The following HCAR3 variants were observed in gnomAD, a reference collection of about 807,000 sequenced individuals.
The protein encoded by HCAR3 is hydroxycarboxylic acid receptor 3.
For synonymous variants in HCAR3, 167 were observed against 201.0 expected (o/e 0.83, Z 1.43); for missense variants, 404 against 501.2 (o/e 0.81, Z 1.85).
rs746912605 is a variant in HCAR3, at chr12:122,715,653, G to A, written c.1085C>T (p.Ser362Leu). Residue 362 changes from serine (S) to leucine (L), a missense_variant, in exon 1 of 1, where the codon TCA (serine) becomes TTA (leucine). Transcript: ENST00000528880. ...PWSPSYLGPTSNNHSKKGHCH... is the reference protein window; with the variant it reads ...PWSPSYLGPTLNNHSKKGHCH... ...ATGTCCCTTCTTGGAATGGTTATTT[G>A]AGGTTGGGCCCAGATAAGAGGGGCT... The A allele has an allele frequency of 6.2e-7, 1 of 1,613,960 alleles. No individual in the cohort carries two copies. The highest frequency in any genetic ancestry group is 8.5e-7 in the Non-Finnish European group (1 of 1,180,012).
rs1877499905 is a variant in HCAR3 at position 122,715,201 on chromosome 12, T to C, written c.*373A>G. 2.3e-5 allele frequency: 4 copies of C among 173,732 alleles called. No homozygotes were observed. The South Asian group carries it at 4.9e-4, about 21-fold the overall frequency. 10.8% of individuals were successfully genotyped at this position (173,732 alleles called of 1,614,324 possible). A position where few individuals can be genotyped will look rare whatever the true frequency, so the allele number is the denominator to read the frequency against. On this transcript the variant is annotated 3_prime_UTR_variant, in exon 1 of 1. Transcript: ENST00000528880. Reference sequence around the variant, plus strand: ...CTTGTTTAATGATGCCTGGGCTTCCTCCAGGAACAACACAATTCCCTCCAA... The same window carrying C: ...CTTGTTTAATGATGCCTGGGCTTCCCCCAGGAACAACACAATTCCCTCCAA...
Position 122,715,495 on chromosome 12 carries a change from A to C in HCAR3, c.*79T>G. The stretch of plus-strand genomic sequence containing the variant: ...GGTCACACCTTGCAACCAGTCTCCC[A>C]CTCATCTGCCACAGTTTCCCTAAAT... On this transcript the variant is annotated 3_prime_UTR_variant, in exon 1 of 1. Coordinates refer to ENST00000528880, the MANE Select transcript of HCAR3 (RefSeq NM_006018.3). 6.9e-7 allele frequency: 1 copy of C among 1,458,820 alleles called. No individual in the cohort carries two copies. The highest frequency in any genetic ancestry group is 9.3e-7 in the Non-Finnish European group (1 of 1,077,254). 90.4% of individuals were successfully genotyped at this position (1,458,820 alleles called of 1,614,324 possible).
Position 122,715,710 on chromosome 12 carries a change from T to C in HCAR3, c.1028A>G (p.Glu343Gly), listed in dbSNP as rs1250696001. 5.0e-6 allele frequency: 8 copies of C among 1,610,212 alleles called. No individual in the cohort carries two copies. The African/African-American group carries it at 9.4e-5, about 19-fold the overall frequency. ...CTCACCGGAGTTGGCGATTAACGCC[T>C]CTGGAGCGCCTCTGGTTTTGTTGGG... ...GDPNKTRGAP[E>G]ALIANSGEPW... is the part of the protein sequence containing the mutation. The change falls in exon 1 of 1, where the codon GAG becomes GGG. Residue 343 changes from glutamate (E) to glycine (G), a missense_variant. Transcript: ENST00000528880.
rs577458802 is a variant in HCAR3, at chr12:122,714,761, C to T, written c.*813G>A. On this transcript the variant is annotated 3_prime_UTR_variant, in exon 1 of 1. Transcript: ENST00000528880. The stretch of plus-strand genomic sequence containing the variant: ...CAGATATAGCAACGCCAGACTGTCT[C>T]CTATCAAAATTTATTGAAATGGTAG... 10 of 151,976 alleles carry T rather than the reference C, an allele frequency of 6.6e-5. No individual in the cohort carries two copies. The East Asian group carries it at 1.9e-3, about 30-fold the overall frequency. 9.4% of individuals were successfully genotyped at this position (151,976 alleles called of 1,614,324 possible).
In HCAR3 at chr12:122,716,420, C is replaced by CATG; in HGVS notation, c.315_317dup (p.Phe105_Met106insIle). ...TGCTGCCCTGGCGGTTCATGGCAAA[C>CATG]ATGAAGAGCACCAGCCGGCAAGGGA... On this transcript the variant is annotated inframe_insertion, in exon 1 of 1. Coordinates refer to ENST00000528880, the MANE Select transcript of HCAR3 (RefSeq NM_006018.3). 1 of 1,613,996 alleles carries CATG rather than the reference C, an allele frequency of 6.2e-7. No individual in the cohort carries two copies.
rs772254116 is a variant in HCAR3 at position 122,716,382 on chromosome 12, G to C, written c.356C>G (p.Thr119Arg). 6.2e-7 allele frequency: 1 copy of C among 1,614,064 alleles called. No individual in the cohort carries two copies. The highest frequency in any genetic ancestry group is 1.1e-5 in the South Asian group (1 of 91,072). The change falls in exon 1 of 1, where the codon ACG (threonine) becomes AGG (arginine). Residue 119 changes from threonine (T) to arginine (R), a missense_variant. Physicochemically the swap from Thr to Arg is moderately conservative, Grantham distance 71. Transcript: ENST00000528880. Reference sequence around the variant, plus strand: ...GAAATACCTGTCTACCGCCACCACCGTGAGGAATATGATGCTGCCCTGGCG... The same window carrying C: ...GAAATACCTGTCTACCGCCACCACCCTGAGGAATATGATGCTGCCCTGGCG... Reference protein sequence around the residue: ...MNRQGSIIFLTVVAVDRYFRV... With the variant: ...MNRQGSIIFLRVVAVDRYFRV...
rs1877528152 is a variant in HCAR3, at chr12:122,715,844, G to A, written c.894C>T (p.Ser298=). ...MLDPVVYYFS[S]PSFPNFFSTL... is the part of the protein sequence containing the mutation. ...TGGAGAAGAAGTTGGGAAAGGATGG[G>A]CTGGAGAAGTAGTACACCACGGGGT... The change falls in exon 1 of 1, where the codon AGC becomes AGT. Residue 298 remains serine (S), a synonymous_variant. Coordinates refer to ENST00000528880, the MANE Select transcript of HCAR3 (RefSeq NM_006018.3). 1 of 1,595,274 alleles carries A rather than the reference G, an allele frequency of 6.3e-7. No individual in the cohort carries two copies. Among genetic ancestry groups the A allele is most frequent in the East Asian group, 2.3e-5 (1 of 43,908 alleles).
Position 122,716,638 on chromosome 12 carries a change from A to G in HCAR3, c.100T>C (p.Leu34=), listed in dbSNP as rs1031796416. Residue 34 remains leucine, a synonymous_variant, in exon 1 of 1, where the codon TTG becomes CTG. Transcript: ENST00000528880. The part of the protein sequence containing the change: ...DFIAKVLPPV[L]GLEFIFGLLG... ...AGCCCAAAGATAAACTCCAGCCCCA[A>G]CACCGGCGGCAACACCTTGGCAATG... is the stretch of plus-strand genomic sequence containing the variant. 6 of 1,614,152 alleles carry G rather than the reference A, an allele frequency of 3.7e-6. No homozygotes were observed. In the Admixed American group the frequency reaches 1.0e-4, roughly 27 times the overall value.
chr12:122,716,554 T>A lies in HCAR3; in HGVS notation c.184A>T (p.Ser62Cys), dbSNP rs1877562016. The part of the protein sequence containing the change: ...FCFHLKSWKS[S>C]RIFLFNLAVA... ...GCCAGGTTGAACAGGAAAATCCGGCTGGATTTCCAGGACTTGAGGTGGAAA... is the reference window on the plus strand; with the variant it reads ...GCCAGGTTGAACAGGAAAATCCGGCAGGATTTCCAGGACTTGAGGTGGAAA... Residue 62 changes from serine (S) to cysteine (C), a missense_variant, in exon 1 of 1, where the codon AGC becomes TGC. Physicochemically the swap from Ser to Cys is moderately radical, Grantham distance 112. Coordinates refer to ENST00000528880, the MANE Select transcript of HCAR3 (RefSeq NM_006018.3). 6.2e-7 allele frequency: 1 copy of A among 1,614,004 alleles called. No homozygotes were observed.
In HCAR3 at chr12:122,716,765, G is replaced by A. The variant is rs755098499; in HGVS notation, c.-28C>T. 28 of 1,604,736 alleles carry A rather than the reference G, an allele frequency of 1.7e-5. No individual in the cohort carries two copies. The highest frequency in any genetic ancestry group is 1.7e-4 in the Middle Eastern group (1 of 6,034). ...GTGCAGCTAGTGAGTCCGATGGAGC[G>A]CCTCGCCTAGTGAATGCTCCAGCAA... On this transcript the variant is annotated 5_prime_UTR_variant, in exon 1 of 1. Transcript: ENST00000528880.
chr12:122,716,240 C>A lies in HCAR3; in HGVS notation c.498G>T (p.Lys166Asn). 6.2e-7 allele frequency: 1 copy of A among 1,614,020 alleles called. No individual in the cohort carries two copies. Among genetic ancestry groups the A allele is most frequent in the Non-Finnish European group, 8.5e-7 (1 of 1,179,948 alleles). ...VGLTVHLLKK[K>N]LLIQNGTANV... Reference sequence around the variant, plus strand: ...TTGCAGTGCCATTCTGGATCAGCAACTTCTTCTTCAGGAGGTGGACTGTTA... The same window carrying A: ...TTGCAGTGCCATTCTGGATCAGCAAATTCTTCTTCAGGAGGTGGACTGTTA... The change falls in exon 1 of 1, where the codon AAG (lysine) becomes AAT (asparagine). Residue 166 changes from lysine (K) to asparagine (N), a missense_variant. By Grantham distance (94) the Lys-to-Asn change is moderately conservative. Transcript: ENST00000528880.
rs773868378 is a variant in HCAR3 at position 122,716,632 on chromosome 12, G to T, written c.106C>A (p.Leu36Met). 1 of 1,614,138 alleles carries T rather than the reference G, an allele frequency of 6.2e-7. No homozygotes were observed. The highest frequency in any genetic ancestry group is 8.5e-7 in the Non-Finnish European group (1 of 1,180,040). ...CCCAGAAGCCCAAAGATAAACTCCA[G>T]CCCCAACACCGGCGGCAACACCTTG... ...IAKVLPPVLGLEFIFGLLGNG... is the reference protein window; with the variant it reads ...IAKVLPPVLGMEFIFGLLGNG... Residue 36 changes from leucine to methionine, a missense_variant, in exon 1 of 1, where the codon CTG becomes ATG. Transcript: ENST00000528880.
Position 122,716,235 on chromosome 12 carries a change from A to G in HCAR3, c.503T>C (p.Leu168Pro), listed in dbSNP as rs572713524. ...CACATTTGCAGTGCCATTCTGGATC[A>G]GCAACTTCTTCTTCAGGAGGTGGAC... ...LTVHLLKKKLLIQNGTANVCI... is the reference protein window; with the variant it reads ...LTVHLLKKKLPIQNGTANVCI... The change falls in exon 1 of 1, where the codon CTG (leucine) becomes CCG (proline). Residue 168 changes from leucine (L) to proline (P), a missense_variant. Leu to Pro is a moderately conservative substitution (Grantham distance 98). Transcript: ENST00000528880. 37 of 1,614,180 alleles carry G rather than the reference A, an allele frequency of 2.3e-5. No homozygotes were observed. The highest frequency in any genetic ancestry group is 8.9e-5 in the East Asian group (4 of 44,890).
chr12:122,716,396 G>A lies in HCAR3; in HGVS notation c.342C>T (p.Ser114=). 3 of 1,614,092 alleles carry A rather than the reference G, an allele frequency of 1.9e-6. No homozygotes were observed. The Admixed American group carries it at 5.0e-5, about 27-fold the overall frequency. ...CCGCCACCACCGTGAGGAATATGAT[G>A]CTGCCCTGGCGGTTCATGGCAAACA... ...LFMFAMNRQG[S]IIFLTVVAVD... The change falls in exon 1 of 1, where the codon AGC becomes AGT. Residue 114 remains serine (S), a synonymous_variant. Transcript: ENST00000528880.
Position 122,715,455 on chromosome 12 carries a change from C to CT in HCAR3, c.*118dup, listed in dbSNP as rs1593742164. 1.0e-5 allele frequency: 12 copies of CT among 1,153,542 alleles called. No homozygotes were observed. The East Asian group carries it at 2.8e-4, about 27-fold the overall frequency. 71.5% of individuals were successfully genotyped at this position (1,153,542 alleles called of 1,614,324 possible). ...TGCCTAGAAGCTTTACTCTCTGTTC[C>CT]TCCAGGATTCCTGCGGTCACACCTT... On this transcript the variant is annotated 3_prime_UTR_variant, in exon 1 of 1. Coordinates refer to ENST00000528880, the MANE Select transcript of HCAR3 (RefSeq NM_006018.3).
rs3825153 is a variant in HCAR3, at chr12:122,716,618, A to G, written c.120T>C (p.Phe40=). The G allele has an allele frequency of 1.3e-4, 208 of 1,614,152 alleles. No homozygotes were observed. The highest frequency in any genetic ancestry group is 1.2e-3 in the Middle Eastern group (7 of 6,060). ...LPPVLGLEFI[F]GLLGNGLALW... ...GGGCAAGGCCATTGCCCAGAAGCCC[A>G]AAGATAAACTCCAGCCCCAACACCG... Residue 40 remains phenylalanine, a synonymous_variant, in exon 1 of 1, where the codon TTT becomes TTC. Transcript: ENST00000528880.
Position 122,715,419 on chromosome 12 carries a change from C to T in HCAR3, c.*155G>A. The T allele has an allele frequency of 8.3e-6, 7 of 838,346 alleles. No individual in the cohort carries two copies. The highest frequency in any genetic ancestry group is 1.3e-5 in the Non-Finnish European group (7 of 557,484). The allele number at this position is 838,346 out of a possible 1,614,324, so 51.9% of individuals were successfully genotyped here. On this transcript the variant is annotated 3_prime_UTR_variant, in exon 1 of 1. Coordinates refer to ENST00000528880, the MANE Select transcript of HCAR3 (RefSeq NM_006018.3). The stretch of plus-strand genomic sequence containing the variant: ...AGTCCTGCGAGCGTCAGAGATGAAG[C>T]AAGTTTCAGATGCCTAGAAGCTTTA...
At position 122,715,649 on chromosome 12, in the gene HCAR3, A is replaced by G; in HGVS notation, c.1089T>C (p.Asn363=). 6.2e-7 allele frequency: 1 copy of G among 1,614,036 alleles called. No homozygotes were observed. Among genetic ancestry groups the G allele is most frequent in the South Asian group, 1.1e-5 (1 of 91,052 alleles). ...WSPSYLGPTS[N]NHSKKGHCHQ... The stretch of plus-strand genomic sequence containing the variant: ...GACAATGTCCCTTCTTGGAATGGTT[A>G]TTTGAGGTTGGGCCCAGATAAGAGG... Residue 363 remains asparagine, a synonymous_variant, in exon 1 of 1, where the codon AAT becomes AAC. Transcript: ENST00000528880.
chr12:122,715,454 C>G lies in HCAR3; in HGVS notation c.*120G>C. On this transcript the variant is annotated 3_prime_UTR_variant, in exon 1 of 1. Coordinates refer to ENST00000528880, the MANE Select transcript of HCAR3 (RefSeq NM_006018.3). ...ATGCCTAGAAGCTTTACTCTCTGTTCCTCCAGGATTCCTGCGGTCACACCT... is the reference window on the plus strand; with the variant it reads ...ATGCCTAGAAGCTTTACTCTCTGTTGCTCCAGGATTCCTGCGGTCACACCT... The G allele has an allele frequency of 1.8e-6, 2 of 1,128,992 alleles. No individual in the cohort carries two copies. The highest frequency in any genetic ancestry group is 2.5e-6 in the Non-Finnish European group (2 of 785,096). The allele number at this position is 1,128,992 out of a possible 1,614,324, so 69.9% of individuals were successfully genotyped here. A position where few individuals can be genotyped will look rare whatever the true frequency, so the allele number is the denominator to read the frequency against.
Sources: allele counts gnomAD v4.1 joint callset, GRCh38; gene constraint gnomAD v4.1.1; transcripts MANE v1.5; gene names NCBI Gene and HGNC (gene_info 2026-07-23, HGNC 2026-07-21).